Variants in BAIAP2L1 observed in about 807,000 individuals in gnomAD.
BAIAP2L1 encodes BAR/IMD domain containing adaptor protein 2 like 1, also known as BAR/IMD domain-containing adapter protein 2-like 1.
BAIAP2L1 carries 35 observed loss-of-function variants against 66.3 expected under a neutral mutation model. The ratio of observed to expected loss-of-function variants is 0.53; its 90% CI spans 0.40 to 0.70. BAIAP2L1 has a LOEUF of 0.70. Ranked by LOEUF, BAIAP2L1 falls within the 30% of genes least tolerant of loss-of-function variation. The probability of loss-of-function intolerance (pLI) is 0.00; values close to 1 mark genes in which losing one functional copy is unlikely to be tolerated. For missense variants in BAIAP2L1, 622 were observed against 656.9 expected (o/e 0.95, Z 0.58); for synonymous variants, 269 against 248.7 (o/e 1.08, Z -0.77).
At chr7:98,302,177 G>T (rs736753) in intron 12 of BAIAP2L1, among the ~76,000 whole-genome samples, 61,139 of 152,050 alleles carry the variant, frequency 0.4, 13,406 homozygotes, top group Middle Eastern at 0.54. Flanking sequence ...TTACAACCAG[G>T]CTTCTTCCAT....
chr7:98,395,890 C>T (rs1308444075), intron 1 of BAIAP2L1, among the ~76,000 whole-genome samples: 3 of 152,084 alleles, frequency 2.0e-5, no homozygotes, highest in African/African-American at 7.2e-5. Context: ...ATTAGCCGGG[C>T]ATGGCGGTGC....
intron 6 of BAIAP2L1, among the ~76,000 whole-genome samples, chr7:98,316,043 G>A (rs1463164342): frequency 9.2e-5 from 14 of 152,154 alleles, no homozygotes; most frequent in Admixed American, 9.2e-4. Flanking sequence ...TGTGTTTGGG[G>A]AGGGACCTGG....
At chr7:98,332,172 C>T (rs1369924710) in intron 3 of BAIAP2L1, among the ~76,000 whole-genome samples, 2 of 150,578 alleles carry the variant, frequency 1.3e-5, no homozygotes, top group Admixed American at 1.3e-4. Context: ...CACTTGAGGC[C>T]AGGAGTTAGA....
chr7:98,335,110 G>A lies in BAIAP2L1; in HGVS notation c.215-14812C>T, dbSNP rs535042499. On this transcript the variant is annotated intron_variant, in intron 3 of 13. Transcript: ENST00000005260. Reference sequence around the variant, plus strand: ...GGAGCTGGCAGTGAGCCGAGATGACGCCACTGCACTCCAGCCTGGGTGACA... The same window carrying A: ...GGAGCTGGCAGTGAGCCGAGATGACACCACTGCACTCCAGCCTGGGTGACA... Among the ~76,000 whole-genome samples the A allele has an allele frequency of 5.2e-4, 68 of 131,262 alleles. 1 individual carries two copies. Among genetic ancestry groups the A allele is most frequent in the African/African-American group, 1.9e-3 (67 of 34,510 alleles). 86.1% of individuals were successfully genotyped at this position (131,262 alleles called of 152,430 possible).
chr7:98,326,233 T>G (rs1801379169), intron 3 of BAIAP2L1, among the ~76,000 whole-genome samples: 1 of 152,160 alleles, frequency 6.6e-6, no homozygotes, highest in Non-Finnish European at 1.5e-5. Context: ...GCCATGACTG[T>G]GCCACTGTAC....
chr7:98,310,629 G>A (rs2116872800), intron 8 of BAIAP2L1, 37 bp from the exon 9 acceptor site: 1 of 1,467,918 alleles, frequency 6.8e-7, no homozygotes, highest in Non-Finnish European at 9.1e-7. Context: ...TATTAGTATA[G>A]TGCAGAACCG....
At chr7:98,400,097 C>T in intron 1 of BAIAP2L1, 1 of 151,568 alleles carries the variant, frequency 6.6e-6, no homozygotes, top group Non-Finnish European at 1.5e-5. Flanking sequence ...GCAGCCAGGA[C>T]AGCACGGGTC....
Position 98,393,074 on chromosome 7 carries a change from T to TAC in BAIAP2L1, c.51+7726_51+7727dup, listed in dbSNP as rs779327448. Among the ~76,000 whole-genome samples the TAC allele has an allele frequency of 3.0e-5, 4 of 132,030 alleles. 1 individual carries two copies. Among genetic ancestry groups the TAC allele is most frequent in the Admixed American group, 2.2e-4 (3 of 13,508 alleles). 86.6% of individuals were successfully genotyped at this position (132,030 alleles called of 152,430 possible). A position where few individuals can be genotyped will look rare whatever the true frequency, so the allele number is the denominator to read the frequency against. ...GTACATATATGTACACATATATGTA[T>TAC]ACACACACATATATACATATATACG... On this transcript the variant is annotated intron_variant, in intron 1 of 13. Coordinates refer to ENST00000005260, the MANE Select transcript of BAIAP2L1 (RefSeq NM_018842.5).
chr7:98,374,866 G>A (rs577594927), intron 1 of BAIAP2L1, among the ~76,000 whole-genome samples: 2 of 151,512 alleles, frequency 1.3e-5, no homozygotes, highest in Admixed American at 6.6e-5. Flanking sequence ...TGGGAGGATC[G>A]CTTGAGGTCA....
At chr7:98,392,463 A>G (rs529617534) in intron 1 of BAIAP2L1, among the ~76,000 whole-genome samples, 1 of 152,268 alleles carries the variant, frequency 6.6e-6, no homozygotes, top group East Asian at 1.9e-4. Context: ...TGTGGAGCAA[A>G]CAGGCTTTAA....
chr7:98,295,242 G>A (rs77443149), intron 12 of BAIAP2L1, among the ~76,000 whole-genome samples: 1,792 of 152,320 alleles, frequency 0.012, 38 homozygotes, highest in African/African-American at 0.041. Flanking sequence ...TGTACAGGCT[G>A]TGGAGACGGA....
intron 1 of BAIAP2L1, among the ~76,000 whole-genome samples, chr7:98,364,064 T>C (rs559962556): frequency 6.6e-6 from 1 of 152,082 alleles, no homozygotes; most frequent in Non-Finnish European, 1.5e-5. Flanking sequence ...GGGGAGTAAC[T>C]GCAGCTTCCT....
intron 1 of BAIAP2L1, among the ~76,000 whole-genome samples, chr7:98,366,590 G>T (rs563410787): frequency 6.6e-6 from 1 of 152,270 alleles, no homozygotes; most frequent in Non-Finnish European, 1.5e-5. Context: ...TTGCACTGTG[G>T]ATTTATTGGG....
chr7:98,393,088 T>C lies in BAIAP2L1; in HGVS notation c.51+7714A>G, dbSNP rs1291449849. 4.1e-5 allele frequency among the ~76,000 whole-genome samples: 5 copies of C among 121,248 alleles called. 1 individual carries two copies. The highest frequency in any genetic ancestry group is 1.8e-4 in the African/African-American group (5 of 27,648). 79.5% of individuals were successfully genotyped at this position (121,248 alleles called of 152,430 possible). On this transcript the variant is annotated intron_variant, in intron 1 of 13. Transcript: ENST00000005260. ...ACATATATGTATACACACACATATA[T>C]ACATATATACGTGTACATATATGTA...
intron 1 of BAIAP2L1, among the ~76,000 whole-genome samples, chr7:98,399,701 A>C (rs546503888): frequency 1.3e-5 from 2 of 152,344 alleles, no homozygotes; most frequent in African/African-American, 2.4e-5. Context: ...ATCTTATTTC[A>C]CCTGGAATTC....
intron 1 of BAIAP2L1, among the ~76,000 whole-genome samples, chr7:98,380,026 G>T (rs1298124539): frequency 1.3e-5 from 2 of 151,544 alleles, no homozygotes; most frequent in African/African-American, 2.4e-5. Flanking sequence ...CCATTAAATT[G>T]TACGCTTAAA....
chr7:98,293,910 A>G (rs1800073239), intron 13 of BAIAP2L1, among the ~76,000 whole-genome samples, 164 bp downstream of exon 13: 1 of 152,182 alleles, frequency 6.6e-6, no homozygotes, highest in Non-Finnish European at 1.5e-5. Flanking sequence ...CGTGGTCTAA[A>G]GTAGTTGGTA....
intron 1 of BAIAP2L1, among the ~76,000 whole-genome samples, chr7:98,376,149 C>T (rs139988741): frequency 5.2e-4 from 79 of 152,288 alleles, no homozygotes; most frequent in Non-Finnish European, 9.4e-4. Flanking sequence ...AACTTCTACA[C>T]GGTATCCCTT....
At chr7:98,308,227 A>C (rs1445422612) in intron 9 of BAIAP2L1, 2 of 509,034 alleles carry the variant, frequency 3.9e-6, no homozygotes, top group African/African-American at 3.8e-5. Context: ...TAGAGAGACA[A>C]ACCGCTCCAA....
Sources: gnomAD v4.1 joint callset for allele counts (sites outside exome capture counted in the v4.1 genomes callset) on GRCh38, gnomAD v4.1.1 for gene constraint, MANE v1.5 for transcripts, NCBI Gene and HGNC (gene_info 2026-07-23, HGNC 2026-07-21) for gene names.